Variants in SHB observed in about 807,000 individuals in gnomAD.
The protein encoded by SHB is SH2 domain-containing adapter protein B.
In SHB, 20 loss-of-function variants were observed where a neutral mutation model predicts 52.3. That is an observed-to-expected ratio of 0.38 (90% CI 0.27 to 0.56). SHB has a LOEUF of 0.56. Ranked by LOEUF, SHB falls within the 20% of genes least tolerant of loss-of-function variation. The probability of loss-of-function intolerance (pLI) is 0.71; values close to 1 mark genes in which losing one functional copy is unlikely to be tolerated. For missense variants in SHB, 825 were observed against 723.3 expected (o/e 1.14, Z -1.61); for synonymous variants, 397 against 316.5 (o/e 1.25, Z -2.70).
rs892816420 is a variant in SHB at position 38,068,930 on chromosome 9, G to A, written c.-285C>T. 14 of 152,074 alleles carry A rather than the reference G, an allele frequency of 9.2e-5. No homozygotes were observed. The highest frequency in any genetic ancestry group is 3.4e-4 in the African/African-American group (14 of 41,354). 9.4% of individuals were successfully genotyped at this position (152,074 alleles called of 1,614,324 possible). On this transcript the variant is annotated 5_prime_UTR_variant, in exon 1 of 6. Transcript: ENST00000377707. The stretch of plus-strand genomic sequence containing the variant: ...GGGGTCCCGGCCCACGCCCGGGGGA[G>A]AGCGGAAGGTCCGAGCGCTCCACGC...
chr9:38,002,439 G>A (rs1254196488), intron 2 of SHB, among the ~76,000 whole-genome samples: 1 of 152,170 alleles, frequency 6.6e-6, no homozygotes, highest in East Asian at 1.9e-4. Context: ...ACCTGGACAG[G>A]GTTCCTACAG....
chr9:38,052,289 C>G (rs1437535849), intron 1 of SHB, among the ~76,000 whole-genome samples: 2 of 152,012 alleles, frequency 1.3e-5, no homozygotes, highest in African/African-American at 4.8e-5. Context: ...CATGTTTCAG[C>G]AGAAACAAGC....
chr9:38,057,973 C>T (rs143029062), intron 1 of SHB, among the ~76,000 whole-genome samples: 72 of 151,692 alleles, frequency 4.7e-4, no homozygotes, highest in African/African-American at 1.4e-3. Context: ...AGCCATGCAA[C>T]ATAGCAGGTG....
intron 5 of SHB, among the ~76,000 whole-genome samples, chr9:37,947,131 T>A (rs1832501730): frequency 6.6e-6 from 1 of 152,194 alleles, no homozygotes; most frequent in African/African-American, 2.4e-5. Context: ...ACTGACCCGA[T>A]TCTTTCAGCC....
At chr9:37,974,505 A>G in intron 3 of SHB, 117 bp downstream of exon 3, 2 of 839,146 alleles carry the variant, frequency 2.4e-6, no homozygotes, top group Non-Finnish European at 3.8e-6. Context: ...GAGAAAAAAG[A>G]CCACCCAACT....
At chr9:38,041,035 T>C (rs1821568847) in intron 1 of SHB, among the ~76,000 whole-genome samples, 1 of 151,888 alleles carries the variant, frequency 6.6e-6, no homozygotes, top group Non-Finnish European at 1.5e-5. Flanking sequence ...GCAGAGAAGG[T>C]CTGAGGACAT....
intron 2 of SHB, among the ~76,000 whole-genome samples, chr9:37,987,750 C>A (rs979710086): frequency 1.3e-5 from 2 of 152,098 alleles, no homozygotes; most frequent in Admixed American, 1.3e-4. Context: ...GGTGGTATCA[C>A]GAGGAAGAGA....
chr9:38,009,604 G>A (rs1300138021), intron 2 of SHB, among the ~76,000 whole-genome samples: 4 of 152,210 alleles, frequency 2.6e-5, no homozygotes, highest in Admixed American at 2.6e-4. Context: ...TTGGAACATC[G>A]TCTTTAACAT....
intron 2 of SHB, among the ~76,000 whole-genome samples, chr9:37,990,902 G>A (rs181806654): frequency 7.0e-4 from 106 of 152,338 alleles, no homozygotes; most frequent in African/African-American, 2.4e-3. Context: ...GTAGAAAACT[G>A]TGTTTGTAGA....
At chr9:38,059,277 G>A (rs1160305697) in intron 1 of SHB, among the ~76,000 whole-genome samples, 4 of 38,044 alleles carry the variant, frequency 1.1e-4, no homozygotes, top group East Asian at 7.0e-4. Context: ...TCCCCTCCTC[G>A]GCCGTGGGAA....
chr9:37,937,625 C>T (rs1025017919), intron 5 of SHB, among the ~76,000 whole-genome samples: 4 of 152,242 alleles, frequency 2.6e-5, no homozygotes, highest in Non-Finnish European at 2.9e-5. Flanking sequence ...AGGGCGCCTG[C>T]GTGCGAGTGT....
At chr9:37,953,011 G>C (rs571881837) in intron 4 of SHB, among the ~76,000 whole-genome samples, 3 of 152,096 alleles carry the variant, frequency 2.0e-5, no homozygotes, top group Non-Finnish European at 1.5e-5. Context: ...GCACGTAGTT[G>C]GAGACTGAGC....
intron 2 of SHB, among the ~76,000 whole-genome samples, chr9:37,980,377 C>A (rs1439666588): frequency 6.6e-6 from 1 of 152,232 alleles, no homozygotes; most frequent in Admixed American, 6.5e-5. Context: ...TGTCTTTGCT[C>A]ATCCATAAGA....
At chr9:38,054,575 G>T (rs571008147) in intron 1 of SHB, among the ~76,000 whole-genome samples, 6 of 152,310 alleles carry the variant, frequency 3.9e-5, no homozygotes, top group South Asian at 2.1e-4. Context: ...GACATCAAAG[G>T]GTCCTTGCCC....
At chr9:37,987,230 T>C (rs7033703) in intron 2 of SHB, among the ~76,000 whole-genome samples, 1,847 of 152,304 alleles carry the variant, frequency 0.012, 17 homozygotes, top group Middle Eastern at 0.034. Flanking sequence ...CAATTGTCAA[T>C]AGTGCAGTAA....
rs1349866048 is a variant in SHB, at chr9:37,935,597, C to T, written c.1346+13038G>A. On this transcript the variant is annotated intron_variant, in intron 5 of 5. Coordinates refer to ENST00000377707, the MANE Select transcript of SHB (RefSeq NM_003028.3). ...ACTAGGGCTTCAGAGTGTACAAAAT[C>T]GTGGTCCTGGACCACGATTGCATTT... Among the ~76,000 whole-genome samples the T allele has an allele frequency of 2.6e-5, 4 of 152,066 alleles. No individual in the cohort carries two copies. The East Asian group carries it at 5.8e-4, about 22-fold the overall frequency.
intron 1 of SHB, among the ~76,000 whole-genome samples, chr9:38,032,785 T>C (rs1308506690): frequency 6.6e-6 from 1 of 152,148 alleles, no homozygotes; most frequent in African/African-American, 2.4e-5. Context: ...TTACACAGAA[T>C]GAGCACCAGC....
chr9:38,049,706 G>C (rs552737153), intron 1 of SHB, among the ~76,000 whole-genome samples: 3 of 149,916 alleles, frequency 2.0e-5, no homozygotes, highest in Non-Finnish European at 4.4e-5. Flanking sequence ...GTCTGACCCT[G>C]AACCCAGACT....
At chr9:38,013,782 C>T (rs765472850) in intron 2 of SHB, among the ~76,000 whole-genome samples, 10 of 152,170 alleles carry the variant, frequency 6.6e-5, no homozygotes, top group African/African-American at 2.2e-4. Flanking sequence ...CTTCCATTCC[C>T]GAGTGTGGAC....
Sources: gnomAD v4.1 joint callset for allele counts (sites outside exome capture counted in the v4.1 genomes callset) on GRCh38, gnomAD v4.1.1 for gene constraint, MANE v1.5 for transcripts, NCBI Gene and HGNC (gene_info 2026-07-23, HGNC 2026-07-21) for gene names.